The following AFG1L variants were observed in gnomAD, a reference collection of about 807,000 sequenced individuals.
AFG1L encodes the protein AFG1 like ATPase.
AFG1L carries 53 observed loss-of-function variants against 62.2 expected under a neutral mutation model. The ratio of observed to expected loss-of-function variants is 0.85; its 90% CI spans 0.68 to 1.07. AFG1L has a LOEUF of 1.07. Ranked by LOEUF, AFG1L falls within the 50% of genes least tolerant of loss-of-function variation. AFG1L has a pLI of 0.00. For synonymous variants in AFG1L, 228 were observed against 210.3 expected, an observed-to-expected ratio of 1.08 and a Z score of -0.73; for missense variants, 555 against 590.5, an observed-to-expected ratio of 0.94 and a Z score of 0.62.
chr6:108,380,007 C>T (rs1305569718), intron 6 of AFG1L, among the ~76,000 whole-genome samples: 1 of 152,092 alleles, frequency 6.6e-6, no homozygotes, highest in Non-Finnish European at 1.5e-5. Flanking sequence ...GGAGATTTGC[C>T]TGGGCATGGA....
intron 8 of AFG1L, among the ~76,000 whole-genome samples, chr6:108,454,977 T>C (rs983228926): frequency 2.0e-5 from 3 of 152,166 alleles, no homozygotes; most frequent in Non-Finnish European, 4.4e-5. Context: ...ATAGAATTTC[T>C]GTCTCTGGCA....
chr6:108,452,611 C>T lies in AFG1L; in HGVS notation c.890+5315C>T, dbSNP rs537227379. On this transcript the variant is annotated intron_variant, in intron 8 of 12. Coordinates refer to ENST00000368977, the MANE Select transcript of AFG1L (RefSeq NM_145315.5). ...CTGGGATTTTATTTTACCCCACTTA[C>T]GAGCCTAAACCTAAAATAGGTTTGC... Among the ~76,000 whole-genome samples the T allele has an allele frequency of 6.6e-5, 10 of 152,266 alleles. No individual in the cohort carries two copies. The South Asian group carries it at 1.5e-3, about 22-fold the overall frequency.
intron 7 of AFG1L, among the ~76,000 whole-genome samples, chr6:108,434,386 C>T (rs1201019156): frequency 3.3e-5 from 5 of 152,178 alleles, no homozygotes; most frequent in Non-Finnish European, 7.3e-5. Context: ...GCTCTTACTC[C>T]AGTTCTTTGT....
intron 8 of AFG1L, among the ~76,000 whole-genome samples, chr6:108,465,276 G>A (rs1458523389): frequency 2.0e-5 from 3 of 152,162 alleles, no homozygotes; most frequent in South Asian, 2.1e-4. Context: ...ATTTAGTGCC[G>A]TCTTCATGCT....
intron 6 of AFG1L, among the ~76,000 whole-genome samples, chr6:108,394,753 G>A (rs1334937725): frequency 6.6e-6 from 1 of 152,128 alleles, no homozygotes; most frequent in Non-Finnish European, 1.5e-5. Context: ...TTCTTCATGT[G>A]TTTGGTTATC....
intron 7 of AFG1L, 108 bp downstream of exon 7, chr6:108,402,162 A>G (rs1489210895): frequency 3.6e-6 from 2 of 561,676 alleles, no homozygotes; most frequent in Non-Finnish European, 6.1e-6. Context: ...TTATTTTGGC[A>G]TTTAGATAGT....
chr6:108,425,088 A>G (rs1039675770), intron 7 of AFG1L, among the ~76,000 whole-genome samples: 2 of 152,150 alleles, frequency 1.3e-5, no homozygotes, highest in African/African-American at 4.8e-5. Context: ...GCATAGTGAC[A>G]GCTGAGAAAT....
At position 108,340,896 on chromosome 6, in the gene AFG1L, T is replaced by A. The variant is rs546059523; in HGVS notation, c.364-6092T>A. 1.4e-3 allele frequency among the ~76,000 whole-genome samples: 219 copies of A among 152,166 alleles called. 1 individual carries two copies. Among genetic ancestry groups the A allele is most frequent in the Non-Finnish European group, 2.6e-3 (180 of 68,034 alleles). On this transcript the variant is annotated intron_variant, in intron 2 of 12. Transcript: ENST00000368977. ...AGGACTTTCAACCCAATGCCTTCTGTTCTCTTTATGAAGAAGTAGGAGACA... is the reference window on the plus strand; with the variant it reads ...AGGACTTTCAACCCAATGCCTTCTGATCTCTTTATGAAGAAGTAGGAGACA...
intron 2 of AFG1L, among the ~76,000 whole-genome samples, chr6:108,332,771 C>T (rs1198832193): frequency 6.6e-6 from 1 of 152,002 alleles, no homozygotes; most frequent in African/African-American, 2.4e-5. Context: ...CCATGCCTGG[C>T]TAATTTTTTG....
Position 108,364,864 on chromosome 6 carries a change from C to CAAAA in AFG1L, c.649-1369_649-1368insAAAA, listed in dbSNP as rs1562110488. On this transcript the variant is annotated intron_variant, in intron 5 of 12. Transcript: ENST00000368977. Reference sequence around the variant, plus strand: ...GTTTTTTAGTTATAACCTGAGACAGCCAAAAAAAAAAAAAAAAAAAAAGTA... The same window carrying CAAAA: ...GTTTTTTAGTTATAACCTGAGACAGCAAAACAAAAAAAAAAAAAAAAAAAAAGTA... Among the ~76,000 whole-genome samples, 19 of 84,272 alleles carry CAAAA rather than the reference C, an allele frequency of 2.3e-4. 1 individual carries two copies. Among genetic ancestry groups the CAAAA allele is most frequent in the African/African-American group, 5.2e-4 (7 of 13,334 alleles). 55.3% of individuals were successfully genotyped at this position (84,272 alleles called of 152,430 possible). A position where few individuals can be genotyped will look rare whatever the true frequency, so the allele number is the denominator to read the frequency against.
chr6:108,508,040 G>A (rs1012223418), intron 10 of AFG1L, among the ~76,000 whole-genome samples: 1 of 152,114 alleles, frequency 6.6e-6, no homozygotes, highest in Non-Finnish European at 1.5e-5. Flanking sequence ...GTATGCCCCA[G>A]GCACTGTGCT....
At chr6:108,346,569 T>C (rs1778872127) in intron 2 of AFG1L, among the ~76,000 whole-genome samples, 1 of 152,150 alleles carries the variant, frequency 6.6e-6, no homozygotes. Context: ...GGTCTCCCTA[T>C]ATTGCCCAGG....
At chr6:108,440,416 G>A in intron 7 of AFG1L, among the ~76,000 whole-genome samples, 1 of 152,076 alleles carries the variant, frequency 6.6e-6, no homozygotes, top group East Asian at 1.9e-4. Flanking sequence ...TGATCTGCCT[G>A]TCTCAGCCTC....
At chr6:108,397,447 G>T (rs1280762324) in intron 6 of AFG1L, among the ~76,000 whole-genome samples, 1 of 151,852 alleles carries the variant, frequency 6.6e-6, no homozygotes, top group Non-Finnish European at 1.5e-5. Context: ...AGTAGAGACG[G>T]GATTTCACCA....
chr6:108,511,396 G>C (rs1001515140), intron 11 of AFG1L, among the ~76,000 whole-genome samples: 2 of 152,198 alleles, frequency 1.3e-5, no homozygotes, highest in African/African-American at 4.8e-5. Context: ...ATGGCCTACT[G>C]GTTCAAGAGT....
intron 7 of AFG1L, among the ~76,000 whole-genome samples, chr6:108,427,336 AC>A (rs1291690995): frequency 6.6e-6 from 1 of 151,194 alleles, no homozygotes; most frequent in Non-Finnish European, 1.5e-5. Context: ...TAATTCTCTT[AC>A]CTGCCACTCT....
At chr6:108,495,705 T>A (rs993959173) in intron 10 of AFG1L, among the ~76,000 whole-genome samples, 1 of 152,366 alleles carries the variant, frequency 6.6e-6, no homozygotes, top group East Asian at 1.9e-4. Context: ...CTGTATACTC[T>A]TGGTAATTAA....
At chr6:108,361,913 A>T (rs1169306515) in intron 5 of AFG1L, among the ~76,000 whole-genome samples, 2 of 152,152 alleles carry the variant, frequency 1.3e-5, no homozygotes, top group Non-Finnish European at 2.9e-5. Flanking sequence ...TATTGTGTTT[A>T]TTGTTTATCT....
rs1209807392 is a variant in AFG1L, at chr6:108,522,462, G to A, written c.*37G>A. 6.3e-7 allele frequency: 1 copy of A among 1,582,484 alleles called. No homozygotes were observed. Among genetic ancestry groups the A allele is most frequent in the Non-Finnish European group, 8.6e-7 (1 of 1,157,660 alleles). ...GCATAAATAAAACTCTAGACAAATG[G>A]TTAACGCAGGCAGAACTCCTTATTG... On this transcript the variant is annotated 3_prime_UTR_variant, in exon 13 of 13. Coordinates refer to ENST00000368977, the MANE Select transcript of AFG1L (RefSeq NM_145315.5).
Sources: allele counts gnomAD v4.1 joint callset (sites outside exome capture counted in the v4.1 genomes callset), GRCh38; gene constraint gnomAD v4.1.1; transcripts MANE v1.5; gene names NCBI Gene and HGNC (gene_info 2026-07-23, HGNC 2026-07-21).